The following EGFR variants were observed in gnomAD, a reference collection of about 807,000 sequenced individuals.
The protein encoded by EGFR is avian erythroblastic leukemia viral (v-erb-b) oncogene homolog.
Under a neutral mutation model 143.0 loss-of-function variants are expected in EGFR, and 58 were observed. The ratio of observed to expected loss-of-function variants is 0.41; its 90% CI spans 0.33 to 0.50. The LOEUF is 0.50. Among genes scored for constraint, EGFR ranks in the 20% least tolerant of loss-of-function variants. The pLI is 0.39. For synonymous variants in EGFR, 613 were observed against 594.4 expected (o/e 1.03, Z -0.45); for missense variants, 1,307 against 1,579.0 (o/e 0.83, Z 2.92).
Position 55,206,975 on chromosome 7 carries a change from A to C in EGFR, c.*1358A>C, listed in dbSNP as rs934275353. 5 of 233,072 alleles carry C rather than the reference A, an allele frequency of 2.1e-5. No individual in the cohort carries two copies. Among genetic ancestry groups the C allele is most frequent in the Non-Finnish European group, 4.2e-5 (5 of 117,990 alleles). 14.4% of individuals were successfully genotyped at this position (233,072 alleles called of 1,614,324 possible). A position where few individuals can be genotyped will look rare whatever the true frequency, so the allele number is the denominator to read the frequency against. ...AACATTTGCAGATGTTTTAGAAGGA[A>C]AAAAGTTCCTTCCTAAAATAATTTC... On this transcript the variant is annotated 3_prime_UTR_variant, in exon 28 of 28. Coordinates refer to ENST00000275493, the MANE Select transcript of EGFR (RefSeq NM_005228.5).
chr7:55,080,701 A>G (rs1790413608), intron 1 of EGFR, among the ~76,000 whole-genome samples: 1 of 152,238 alleles, frequency 6.6e-6, no homozygotes, highest in South Asian at 2.1e-4. Flanking sequence ...TGTTCTCACC[A>G]CACCAAAAAA....
intron 19 of EGFR, among the ~76,000 whole-genome samples, chr7:55,175,337 G>A (rs949542291): frequency 6.6e-6 from 1 of 152,170 alleles, no homozygotes; most frequent in Non-Finnish European, 1.5e-5. Context: ...CCCACCTTCT[G>A]TACTTTCTCT....
intron 15 of EGFR, among the ~76,000 whole-genome samples, chr7:55,168,961 G>A (rs553491524): frequency 6.6e-6 from 1 of 152,140 alleles, no homozygotes; most frequent in Non-Finnish European, 1.5e-5. Flanking sequence ...CACTTACAGG[G>A]GTTTCTTTAA....
chr7:55,036,725 T>C (rs1376036068), intron 1 of EGFR, among the ~76,000 whole-genome samples: 1 of 152,126 alleles, frequency 6.6e-6, no homozygotes, highest in South Asian at 2.1e-4. Flanking sequence ...TTACTGTTAC[T>C]GCAATTTACT....
chr7:55,185,996 T>C (rs1787119245), intron 20 of EGFR, among the ~76,000 whole-genome samples: 1 of 152,136 alleles, frequency 6.6e-6, no homozygotes, highest in Non-Finnish European at 1.5e-5. Context: ...GAGCTGCTAA[T>C]GGGAGGGAGA....
At chr7:55,077,328 C>T (rs1554324975) in intron 1 of EGFR, among the ~76,000 whole-genome samples, 2 of 152,110 alleles carry the variant, frequency 1.3e-5, no homozygotes, top group Non-Finnish European at 2.9e-5. Flanking sequence ...AAAATTTCAG[C>T]AAAAAATATC....
At chr7:55,167,770 A>G (rs1584210028) in intron 15 of EGFR, among the ~76,000 whole-genome samples, 3 of 152,300 alleles carry the variant, frequency 2.0e-5, no homozygotes, top group Non-Finnish European at 2.9e-5. Context: ...TGATTTGTCA[A>G]CTTTCTAGGA....
Position 55,019,361 on chromosome 7 carries a change from G to T in EGFR, c.84G>T (p.Lys28Asn). The T allele has an allele frequency of 6.6e-7, 1 of 1,507,758 alleles. No individual in the cohort carries two copies. The highest frequency in any genetic ancestry group is 1.4e-5 in the African/African-American group (1 of 69,208). 93.4% of individuals were successfully genotyped at this position (1,507,758 alleles called of 1,614,324 possible). A position where few individuals can be genotyped will look rare whatever the true frequency, so the allele number is the denominator to read the frequency against. The change falls in exon 1 of 28, where the codon AAG becomes AAT. Residue 28 changes from lysine to asparagine, a missense_variant. Physicochemically the swap from Lys to Asn is moderately conservative, Grantham distance 94 (BLOSUM62 0). Transcript: ENST00000275493. ...LCPASRALEE[K>N]KVCQGTSNKL... ...CGGCGAGTCGGGCTCTGGAGGAAAA[G>T]AAAGGTAAGGGCGTGTCTCGCCGGC...
chr7:55,067,047 T>G (rs1189950343), intron 1 of EGFR, among the ~76,000 whole-genome samples: 1 of 152,168 alleles, frequency 6.6e-6, no homozygotes, highest in African/African-American at 2.4e-5. Flanking sequence ...CAGTCCTGCA[T>G]CCTCGGCTCC....
chr7:55,091,361 T>C (rs1791098015), intron 1 of EGFR, among the ~76,000 whole-genome samples: 1 of 152,218 alleles, frequency 6.6e-6, no homozygotes, highest in Non-Finnish European at 1.5e-5. Flanking sequence ...GTTCTGGTGA[T>C]AGTGGTTCCT....
At chr7:55,024,600 T>C (rs147900223) in intron 1 of EGFR, among the ~76,000 whole-genome samples, 1 of 152,230 alleles carries the variant, frequency 6.6e-6, no homozygotes, top group Non-Finnish European at 1.5e-5. Flanking sequence ...TGGCCCTGAC[T>C]TAGTTTAAAT....
rs553860419 is a variant in EGFR, at chr7:55,032,532, C to T, written c.88+13167C>T. On this transcript the variant is annotated intron_variant, in intron 1 of 27. Coordinates refer to ENST00000275493, the MANE Select transcript of EGFR (RefSeq NM_005228.5). ...GGCATCCTGGGGAACTGAATGAGGA[C>T]GCAGATGACCCGGACGTGTTCACAG... Among the ~76,000 whole-genome samples, 9 of 152,258 alleles carry T rather than the reference C, an allele frequency of 5.9e-5. No individual in the cohort carries two copies. In the South Asian group the frequency reaches 8.3e-4, roughly 14 times the overall value.
At chr7:55,097,409 A>G (rs780562182) in intron 1 of EGFR, among the ~76,000 whole-genome samples, 1 of 152,242 alleles carries the variant, frequency 6.6e-6, no homozygotes, top group Admixed American at 6.5e-5. Context: ...ATAGGAAACA[A>G]TAAAACTGTA....
chr7:55,028,845 T>A (rs1787087444), intron 1 of EGFR, among the ~76,000 whole-genome samples: 2 of 152,148 alleles, frequency 1.3e-5, no homozygotes. Context: ...TTTGATTAAG[T>A]CCAAACATAT....
intron 17 of EGFR, 118 bp downstream of exon 17, chr7:55,173,242 C>A: frequency 7.1e-7 from 1 of 1,418,172 alleles, no homozygotes; most frequent in Non-Finnish European, 9.6e-7. Context: ...TATTATGATG[C>A]AGAAAGAATC....
intron 1 of EGFR, among the ~76,000 whole-genome samples, chr7:55,032,489 T>A (rs2128863991): frequency 6.6e-6 from 1 of 152,286 alleles, no homozygotes; most frequent in African/African-American, 2.4e-5. Context: ...CCTTTGCATG[T>A]GTGGCAGGCA....
intron 3 of EGFR, among the ~76,000 whole-genome samples, chr7:55,145,468 T>C (rs1214623147): frequency 6.6e-6 from 1 of 152,234 alleles, no homozygotes; most frequent in Non-Finnish European, 1.5e-5. Context: ...TGTTCCACTG[T>C]TTCCCTGCAC....
Position 55,169,338 on chromosome 7 carries a change from T to A in EGFR, c.1881-1837T>A, listed in dbSNP as rs117091340. On this transcript the variant is annotated intron_variant, in intron 15 of 27. Coordinates refer to ENST00000275493, the MANE Select transcript of EGFR (RefSeq NM_005228.5). ...CTTGTCTTGATCTCCTGACAAGTGA[T>A]CCACACACCTTGGCCTCCCAAAGTG... Among the ~76,000 whole-genome samples the A allele has an allele frequency of 7.1e-3, 1,079 of 152,280 alleles. 6 individuals are homozygous for A. The highest frequency in any genetic ancestry group is 0.011 in the Non-Finnish European group (781 of 68,018).
chr7:55,109,438 C>A (rs760174374), intron 1 of EGFR, among the ~76,000 whole-genome samples: 8 of 152,152 alleles, frequency 5.3e-5, no homozygotes, highest in Admixed American at 6.5e-5. Flanking sequence ...TGAGGTGTGG[C>A]CTCATGGCCC....
Sources: gnomAD v4.1 joint callset for allele counts (sites outside exome capture counted in the v4.1 genomes callset) on GRCh38, gnomAD v4.1.1 for gene constraint, MANE v1.5 for transcripts, NCBI Gene and HGNC (gene_info 2026-07-23, HGNC 2026-07-21) for gene names.